The following ZNF280D variants were observed in gnomAD, a reference collection of about 807,000 sequenced individuals.
ZNF280D encodes the protein suppressor of hairy wing homolog 4.
Under a neutral mutation model 94.7 loss-of-function variants are expected in ZNF280D, and 39 were observed. The observed-to-expected ratio is 0.41, with a 90% CI of 0.32 to 0.54. The LOEUF (loss-of-function observed/expected upper bound fraction) is 0.54, where lower values mean the gene tolerates loss of function less well. Among genes scored for constraint, ZNF280D ranks in the 20% least tolerant of loss-of-function variants. ZNF280D has a pLI of 0.22. For missense variants in ZNF280D, 1,090 were observed against 1,149.3 expected (o/e 0.95, Z 0.75); for synonymous variants, 398 against 377.6 (o/e 1.05, Z -0.63).
At chr15:56,659,525 C>T (rs920763489) in intron 16 of ZNF280D, among the ~76,000 whole-genome samples, 38 of 151,904 alleles carry the variant, frequency 2.5e-4, no homozygotes, top group Admixed American at 7.2e-4. Flanking sequence ...TGTTAATTAT[C>T]TTACTGTGTG....
intron 9 of ZNF280D, among the ~76,000 whole-genome samples, chr15:56,686,560 G>A (rs2056029265): frequency 6.6e-6 from 1 of 152,192 alleles, no homozygotes; most frequent in South Asian, 2.1e-4. Flanking sequence ...GAAATGTGGT[G>A]TTTCCCAATC....
At chr15:56,710,939 C>G (rs1055345754) in intron 1 of ZNF280D, among the ~76,000 whole-genome samples, 4 of 152,134 alleles carry the variant, frequency 2.6e-5, no homozygotes, top group African/African-American at 9.7e-5. Context: ...CACTAGAAAC[C>G]AGGAGAACCA....
intron 9 of ZNF280D, among the ~76,000 whole-genome samples, chr15:56,685,242 CA>C (rs1566979441): frequency 6.6e-6 from 1 of 151,898 alleles, no homozygotes; most frequent in Non-Finnish European, 1.5e-5. Flanking sequence ...GAACTTCAGC[CA>C]AACAGAAAAC....
chr15:56,691,015 A>G (rs2056393494), intron 7 of ZNF280D, among the ~76,000 whole-genome samples: 1 of 152,192 alleles, frequency 6.6e-6, no homozygotes, highest in South Asian at 2.1e-4. Flanking sequence ...TTTATAAAAT[A>G]AGTTACAAGT....
intron 13 of ZNF280D, among the ~76,000 whole-genome samples, chr15:56,672,934 T>G (rs2054966839): frequency 6.6e-6 from 1 of 151,882 alleles, no homozygotes; most frequent in East Asian, 1.9e-4. Flanking sequence ...CTTGACCTCC[T>G]AGGCTCTTAA....
At chr15:56,667,179 T>C (rs574548060) in intron 14 of ZNF280D, among the ~76,000 whole-genome samples, 193 bp from the exon 15 acceptor site, 1 of 152,320 alleles carries the variant, frequency 6.6e-6, no homozygotes, top group East Asian at 1.9e-4. Flanking sequence ...AGTTGTAATA[T>C]TACATTTTTG....
intron 7 of ZNF280D, among the ~76,000 whole-genome samples, chr15:56,692,233 G>T (rs2056462669): frequency 6.6e-6 from 1 of 151,792 alleles, no homozygotes; most frequent in African/African-American, 2.4e-5. Flanking sequence ...ACCCAGAGAG[G>T]TGAATATCAA....
At chr15:56,649,988 A>G (rs2053115451) in intron 19 of ZNF280D, among the ~76,000 whole-genome samples, 1 of 152,074 alleles carries the variant, frequency 6.6e-6, no homozygotes, top group African/African-American at 2.4e-5. Flanking sequence ...CTGATACAGC[A>G]TTTCACAAAA....
At chr15:56,709,503 T>C (rs1419759670) in intron 1 of ZNF280D, among the ~76,000 whole-genome samples, 1 of 152,194 alleles carries the variant, frequency 6.6e-6, no homozygotes, top group East Asian at 1.9e-4. Flanking sequence ...GCCCTTCCAC[T>C]ACTGGGTATA....
intron 20 of ZNF280D, 67 bp from the exon 21 acceptor site, chr15:56,635,317 A>C: frequency 1.2e-6 from 1 of 825,732 alleles, no homozygotes; most frequent in Admixed American, 3.1e-5. Flanking sequence ...TTATTATACT[A>C]AACTTTCTGG....
chr15:56,669,904 TATATATATATTATATATATA>T lies in ZNF280D; in HGVS notation c.1411-967_1411-948del, dbSNP rs2054622842. Among the ~76,000 whole-genome samples the T allele has an allele frequency of 5.3e-4, 2 of 3,742 alleles. 1 individual carries two copies. The highest frequency in any genetic ancestry group is 1.5e-3 in the African/African-American group (2 of 1,338). The allele number at this position is 3,742 out of a possible 152,430, so 2.5% of individuals were successfully genotyped here. On this transcript the variant is annotated intron_variant, in intron 13 of 21. Coordinates refer to ENST00000267807, the MANE Select transcript of ZNF280D (RefSeq NM_017661.4). ...ATATATATATTATATATATATATAA[TATATATATATTATATATATA>T]TTATATATATATTATATATATATAT...
chr15:56,678,590 C>T (rs2055403826), intron 11 of ZNF280D, 74 bp downstream of exon 11: 1 of 1,295,752 alleles, frequency 7.7e-7, no homozygotes, highest in African/African-American at 1.5e-5. Context: ...TTCTAACAGG[C>T]TTCTTAAGGT....
At chr15:56,726,362 G>A (rs1360749749) in intron 1 of ZNF280D, among the ~76,000 whole-genome samples, 1 of 152,064 alleles carries the variant, frequency 6.6e-6, no homozygotes, top group Non-Finnish European at 1.5e-5. Context: ...TTTCTTTCTT[G>A]AGCAGTTCTT....
In ZNF280D at chr15:56,677,634, A is replaced by G. The variant is rs772049028; in HGVS notation, c.1203T>C (p.His401=). 3 of 1,607,642 alleles carry G rather than the reference A, an allele frequency of 1.9e-6. No individual in the cohort carries two copies. Among genetic ancestry groups the G allele is most frequent in the African/African-American group, 1.3e-5 (1 of 74,542 alleles). ...KICELSFETE[H]VLLQHMKDNH... ...TGTCCTTCATATGTTGTAAAAGAAC[A>G]TGTTCTGTTTCAAATGACAATTCAC... Residue 401 remains histidine, a synonymous_variant, in exon 12 of 22, where the codon CAT becomes CAC. Transcript: ENST00000267807.
chr15:56,707,237 G>A (rs1297999074), intron 2 of ZNF280D, 26 bp downstream of exon 2: 1 of 1,573,700 alleles, frequency 6.4e-7, no homozygotes, highest in East Asian at 2.3e-5. Flanking sequence ...CAAATTATTG[G>A]ATGTAAGGTT....
At chr15:56,713,132 T>G (rs904787918) in intron 1 of ZNF280D, among the ~76,000 whole-genome samples, 2 of 152,210 alleles carry the variant, frequency 1.3e-5, no homozygotes, top group Non-Finnish European at 2.9e-5. Context: ...AAGTTAATCT[T>G]TCTTTTTGTC....
chr15:56,720,974 G>GC lies in ZNF280D; in HGVS notation c.-86+12483_-86+12484insG, dbSNP rs1555428085. 1.9e-4 allele frequency among the ~76,000 whole-genome samples: 8 copies of GC among 41,932 alleles called. No homozygotes were observed. The East Asian group carries it at 0.019, about 99-fold the overall frequency. 27.5% of individuals were successfully genotyped at this position (41,932 alleles called of 152,430 possible). A position where few individuals can be genotyped will look rare whatever the true frequency, so the allele number is the denominator to read the frequency against. On this transcript the variant is annotated intron_variant, in intron 1 of 21. Coordinates refer to ENST00000267807, the MANE Select transcript of ZNF280D (RefSeq NM_017661.4). ...GAGTAGATTTAGCATTTTTTTTGGG[G>GC]GGGGGGGGGACAGAGTCTCGCTCCA...
At chr15:56,708,413 G>T (rs116924534) in intron 1 of ZNF280D, among the ~76,000 whole-genome samples, 1 of 152,206 alleles carries the variant, frequency 6.6e-6, no homozygotes, top group East Asian at 1.9e-4. Context: ...GCTTATTTCA[G>T]ATAAATACGT....
chr15:56,723,469 C>A (rs1205936427), intron 1 of ZNF280D, among the ~76,000 whole-genome samples: 1 of 152,086 alleles, frequency 6.6e-6, no homozygotes, highest in Non-Finnish European at 1.5e-5. Flanking sequence ...GACAGTTGTA[C>A]AACACTATGA....
Sources: allele counts gnomAD v4.1 joint callset (sites outside exome capture counted in the v4.1 genomes callset), GRCh38; gene constraint gnomAD v4.1.1; transcripts MANE v1.5; gene names NCBI Gene and HGNC (gene_info 2026-07-23, HGNC 2026-07-21).